The following SLC14A2 variants were observed in gnomAD, a reference collection of about 807,000 sequenced individuals.
The protein encoded by SLC14A2 is urea transporter 2.
In SLC14A2, 91 loss-of-function variants were observed where a neutral mutation model predicts 104.6. The ratio of observed to expected loss-of-function variants is 0.87; its 90% CI spans 0.73 to 1.04. The LOEUF (loss-of-function observed/expected upper bound fraction) is 1.04. Among genes scored for constraint, SLC14A2 ranks in the 50% least tolerant of loss-of-function variants. SLC14A2 has a pLI of 0.00. For synonymous variants in SLC14A2, 476 were observed against 466.4 expected, an observed-to-expected ratio of 1.02 and a Z score of -0.27; for missense variants, 1,189 against 1,156.0, an observed-to-expected ratio of 1.03 and a Z score of -0.41.
At chr18:45,408,112 A>C (rs1435985499) in intron 1 of SLC14A2, among the ~76,000 whole-genome samples, 1 of 152,204 alleles carries the variant, frequency 6.6e-6, no homozygotes, top group East Asian at 1.9e-4. Context: ...TACCTAAGTC[A>C]GGTTGAAATC....
chr18:45,661,124 G>A (rs1019566082), intron 10 of SLC14A2, among the ~76,000 whole-genome samples: 5 of 152,194 alleles, frequency 3.3e-5, no homozygotes, highest in African/African-American at 1.2e-4. Context: ...GAATCAGGGA[G>A]TGGAGGCTGA....
At chr18:45,301,025 A>C (rs1551822) in intron 1 of SLC14A2, among the ~76,000 whole-genome samples, 148,512 of 152,354 alleles carry the variant, frequency 0.97, 72,435 homozygotes, top group East Asian at 1. Flanking sequence ...TTGGGGCCGA[A>C]AACAAGTAGA....
chr18:45,553,312 T>C (rs548829887), intron 2 of SLC14A2, among the ~76,000 whole-genome samples: 49 of 152,226 alleles, frequency 3.2e-4, no homozygotes, highest in Non-Finnish European at 5.6e-4. Flanking sequence ...TATGTCACTG[T>C]GGCCCCAAAG....
chr18:45,436,219 C>T (rs1284087728), intron 1 of SLC14A2, among the ~76,000 whole-genome samples: 2 of 152,148 alleles, frequency 1.3e-5, no homozygotes, highest in Non-Finnish European at 2.9e-5. Flanking sequence ...TTAAAAAGAA[C>T]AGTCTGTTTT....
intron 1 of SLC14A2, among the ~76,000 whole-genome samples, chr18:45,406,211 T>C (rs1222824894): frequency 6.6e-6 from 1 of 152,240 alleles, no homozygotes; most frequent in Non-Finnish European, 1.5e-5. Flanking sequence ...CTAAATCCTT[T>C]ACTGTCATTT....
intron 1 of SLC14A2, among the ~76,000 whole-genome samples, chr18:45,448,116 A>C (rs2086799608): frequency 2.0e-5 from 3 of 152,180 alleles, no homozygotes; most frequent in Admixed American, 1.3e-4. Flanking sequence ...TGGCACACCC[A>C]CCTGCTTCTA....
chr18:45,181,237 G>A, the SLC14A2 span: 13 of 152,272 alleles, frequency 8.5e-5, no homozygotes, highest in Admixed American at 8.5e-4. Flanking sequence ...TCTTGCAAAA[G>A]GACTCTCTTC....
intron 1 of SLC14A2, among the ~76,000 whole-genome samples, chr18:45,316,871 C>G (rs982827224): frequency 1.3e-5 from 2 of 152,216 alleles, no homozygotes; most frequent in Admixed American, 1.3e-4. Context: ...AATCTCTGTG[C>G]TCTCCTCCCA....
At chr18:45,462,817 T>C (rs1483497295) in intron 1 of SLC14A2, among the ~76,000 whole-genome samples, 1 of 152,172 alleles carries the variant, frequency 6.6e-6, no homozygotes, top group African/African-American at 2.4e-5. Flanking sequence ...TTTCCTCACC[T>C]GCAAAATGGG....
chr18:45,319,241 C>T (rs1304451183), intron 1 of SLC14A2, among the ~76,000 whole-genome samples: 1 of 152,210 alleles, frequency 6.6e-6, no homozygotes, highest in East Asian at 1.9e-4. Context: ...TACAACCCTC[C>T]CTCTTCTGTT....
chr18:45,235,309 G>T (rs930276100), intron 1 of SLC14A2, among the ~76,000 whole-genome samples: 2 of 152,002 alleles, frequency 1.3e-5, no homozygotes, highest in African/African-American at 4.8e-5. Flanking sequence ...CAATAATTGT[G>T]CATATTTATG....
intron 1 of SLC14A2, among the ~76,000 whole-genome samples, chr18:45,315,893 C>T (rs759740466): frequency 6.6e-6 from 1 of 152,216 alleles, no homozygotes; most frequent in Non-Finnish European, 1.5e-5. Context: ...TATTCCATTG[C>T]TCCTTTTGAA....
At chr18:45,671,487 C>T (rs533075026) in intron 16 of SLC14A2, among the ~76,000 whole-genome samples, 39 of 152,286 alleles carry the variant, frequency 2.6e-4, no homozygotes, top group South Asian at 4.2e-4. Flanking sequence ...TGAGTCCCCA[C>T]GGCTTCCTCT....
intron 1 of SLC14A2, among the ~76,000 whole-genome samples, chr18:45,379,733 A>C (rs572863873): frequency 6.6e-6 from 1 of 152,248 alleles, no homozygotes; most frequent in Non-Finnish European, 1.5e-5. Flanking sequence ...TTAAGCTTTC[A>C]TAACCATTTT....
chr18:45,363,062 G>C (rs915467583), intron 1 of SLC14A2, among the ~76,000 whole-genome samples: 1 of 151,992 alleles, frequency 6.6e-6, no homozygotes, highest in Admixed American at 6.6e-5. Flanking sequence ...CCTGTGCAAC[G>C]ACCCCCCCAA....
chr18:45,184,127 G>C, the SLC14A2 span, among the ~76,000 whole-genome samples: 1 of 151,582 alleles, frequency 6.6e-6, no homozygotes. Context: ...CTGAGTGCTT[G>C]CAATCATTAG....
chr18:45,628,849 G>GCT, intron 4 of SLC14A2, among the ~76,000 whole-genome samples: 1 of 152,300 alleles, frequency 6.6e-6, no homozygotes, highest in Non-Finnish European at 1.5e-5. Flanking sequence ...ATTTCTTACA[G>GCT]TGGGTTTCTC....
chr18:45,344,110 A>G (rs1228953193), intron 1 of SLC14A2, among the ~76,000 whole-genome samples: 28 of 152,172 alleles, frequency 1.8e-4, no homozygotes, highest in Admixed American at 1.8e-3. Context: ...TGTCACAATC[A>G]TTGTCATTAT....
chr18:45,549,280 A>G (rs1323215282), intron 2 of SLC14A2, among the ~76,000 whole-genome samples: 1 of 152,248 alleles, frequency 6.6e-6, no homozygotes, highest in Non-Finnish European at 1.5e-5. Context: ...CCCCAAAAGA[A>G]GGACTACGAT....
Sources: allele counts gnomAD v4.1 joint callset (sites outside exome capture counted in the v4.1 genomes callset), GRCh38; gene constraint gnomAD v4.1.1; transcripts MANE v1.5; gene names NCBI Gene and HGNC (gene_info 2026-07-23, HGNC 2026-07-21).